The following RPS6KA3 variants were observed in gnomAD, a reference collection of about 807,000 sequenced individuals.
RPS6KA3 encodes the protein ribosomal protein S6 kinase A3, also known as ribosomal protein S6 kinase alpha-3.
Under a neutral mutation model 67.2 loss-of-function variants are expected in RPS6KA3, and 4 were observed. The ratio of observed to expected loss-of-function variants is 0.06; its 90% CI spans 0.03 to 0.14. The LOEUF (loss-of-function observed/expected upper bound fraction) is 0.14. Ranked by LOEUF, RPS6KA3 falls within the 10% of genes least tolerant of loss-of-function variation. RPS6KA3 has a pLI of 1.00. For synonymous variants in RPS6KA3, 182 were observed against 183.7 expected, an observed-to-expected ratio of 0.99 and a Z score of 0.07; for missense variants, 204 against 559.0, an observed-to-expected ratio of 0.36 and a Z score of 6.40.
At chrX:20,232,299 G>C (rs375892425) in intron 2 of RPS6KA3, among the ~76,000 whole-genome samples, 4 of 112,632 alleles carry the variant, frequency 3.6e-5, no homozygotes, top group East Asian at 2.8e-4. Flanking sequence ...TTCTGGCCAG[G>C]CACAGTGGCT....
intron 2 of RPS6KA3, among the ~76,000 whole-genome samples, chrX:20,216,619 C>T: frequency 9.1e-6 from 1 of 110,034 alleles, no homozygotes; most frequent in East Asian, 2.8e-4. Flanking sequence ...GAAGTCAGGG[C>T]AGGCTTTATT....
At chrX:20,234,886 CAAAAAAA>C (rs758120780) in intron 1 of RPS6KA3, 72 bp from the exon 2 acceptor site, 2 of 600,831 alleles carry the variant, frequency 3.3e-6, no homozygotes, top group African/African-American at 5.7e-5. Flanking sequence ...TGAAGGCAGA[CAAAAAAA>C]AAAAAAATTG....
At chrX:20,263,849 G>T (rs2070301538) in intron 1 of RPS6KA3, among the ~76,000 whole-genome samples, 1 of 111,331 alleles carries the variant, frequency 9.0e-6, no homozygotes, top group Admixed American at 9.5e-5. Flanking sequence ...CTGCTTTCAA[G>T]AATTCACAGT....
At chrX:20,238,555 A>G (rs1455052850) in intron 1 of RPS6KA3, among the ~76,000 whole-genome samples, 1 of 111,278 alleles carries the variant, frequency 9.0e-6, no homozygotes, top group Non-Finnish European at 1.9e-5. Context: ...AAATTTTACA[A>G]TAAACTTTCT....
intron 1 of RPS6KA3, among the ~76,000 whole-genome samples, chrX:20,255,515 G>T (rs1281576935): frequency 2.7e-5 from 3 of 111,854 alleles, no homozygotes; most frequent in Non-Finnish European, 5.6e-5. Context: ...GGCTGGGTAA[G>T]GTGGCTCATG....
In RPS6KA3 at chrX:20,150,325, G is replaced by A. The variant is rs1420062639; in HGVS notation, c.*5073C>T. Reference sequence around the variant, plus strand: ...TTTTTCTTTTTTAAAAACTATTTAAGTAGGCACCCACCCCATTCCCACCCA... The same window carrying A: ...TTTTTCTTTTTTAAAAACTATTTAAATAGGCACCCACCCCATTCCCACCCA... On this transcript the variant is annotated 3_prime_UTR_variant, in exon 22 of 22. Coordinates refer to ENST00000379565, the MANE Select transcript of RPS6KA3 (RefSeq NM_004586.3). 1 of 112,372 alleles carries A rather than the reference G, an allele frequency of 8.9e-6. No homozygotes were observed. The highest frequency in any genetic ancestry group is 1.9e-5 in the Non-Finnish European group (1 of 53,125). 9.3% of individuals were successfully genotyped at this position (112,372 alleles called of 1,213,427 possible).
intron 11 of RPS6KA3, among the ~76,000 whole-genome samples, 181 bp from the exon 12 acceptor site, chrX:20,176,679 C>T (rs1355846702): frequency 9.0e-6 from 1 of 110,921 alleles, no homozygotes; most frequent in Admixed American, 9.7e-5. Flanking sequence ...GCAGCCTCAA[C>T]CTCTCAGGCT....
intron 4 of RPS6KA3, among the ~76,000 whole-genome samples, chrX:20,200,975 G>A (rs2068417732): frequency 9.0e-6 from 1 of 110,891 alleles, no homozygotes; most frequent in Non-Finnish European, 1.9e-5. Flanking sequence ...GAGCCACTAT[G>A]CCTGGTCACA....
Position 20,177,042 on chromosome X carries a change from C to T in RPS6KA3, c.888G>A (p.Gln296=). 1 of 1,208,603 alleles carries T rather than the reference C, an allele frequency of 8.3e-7. No homozygotes were observed. Among genetic ancestry groups the T allele is most frequent in the South Asian group, 1.8e-5 (1 of 56,888 alleles). Residue 296 remains glutamine, a synonymous_variant, in exon 11 of 22, where the codon CAG becomes CAA. Coordinates refer to ENST00000379565, the MANE Select transcript of RPS6KA3 (RefSeq NM_004586.3). ...GMPQFLSPEA[Q]SLLRMLFKRN... Reference sequence around the variant, plus strand: ...GCTTGAAAAGCATTCGTAAAAGACTCTGCGCTTCAGGACTCAAAAACTGTG... The same window carrying T: ...GCTTGAAAAGCATTCGTAAAAGACTTTGCGCTTCAGGACTCAAAAACTGTG...
At position 20,266,626 on chromosome X, in the gene RPS6KA3, G is replaced by C. The variant is rs1362995147; in HGVS notation, c.7C>G (p.Leu3Val). MP[L>V]AQLADPWQKM... ...TGCCACGGGTCCGCCAGCTGCGCCA[G>C]CGGCATCTTCCCCCCCGGCCCGCCG... is the stretch of plus-strand genomic sequence containing the variant. Residue 3 changes from leucine to valine, a missense_variant, in exon 1 of 22, where the codon CTG becomes GTG. Transcript: ENST00000379565. 1 of 1,142,561 alleles carries C rather than the reference G, an allele frequency of 8.8e-7. No individual in the cohort carries two copies. Among genetic ancestry groups the C allele is most frequent in the South Asian group, 1.9e-5 (1 of 51,777 alleles). 94.2% of individuals were successfully genotyped at this position (1,142,561 alleles called of 1,213,427 possible). A position where few individuals can be genotyped will look rare whatever the true frequency, so the allele number is the denominator to read the frequency against.
At chrX:20,224,143 G>C (rs1427653211) in intron 2 of RPS6KA3, among the ~76,000 whole-genome samples, 1 of 111,807 alleles carries the variant, frequency 8.9e-6, no homozygotes, top group Non-Finnish European at 1.9e-5. Context: ...TTAAAGAGAA[G>C]TTAAATAATC....
At chrX:20,176,578 CTAATTAAT>C (rs754409176) in intron 11 of RPS6KA3, 80 bp from the exon 12 acceptor site, 9 of 586,944 alleles carry the variant, frequency 1.5e-5, no homozygotes, top group South Asian at 5.5e-5. Flanking sequence ...CAATACTTGT[CTAATTAAT>C]TAATTAATTA....
intron 9 of RPS6KA3, among the ~76,000 whole-genome samples, chrX:20,186,657 A>G (rs1214232837): frequency 9.2e-6 from 1 of 108,607 alleles, no homozygotes; most frequent in African/African-American, 3.4e-5. Context: ...CAGTGGTGCA[A>G]TCTCAGCTCA....
chrX:20,254,322 C>T (rs1202648517), intron 1 of RPS6KA3, among the ~76,000 whole-genome samples: 2 of 111,529 alleles, frequency 1.8e-5, no homozygotes, highest in Admixed American at 9.5e-5. Flanking sequence ...TAGTTTAGGC[C>T]GAGGAGACTC....
chrX:20,197,029 G>A (rs781529585), intron 4 of RPS6KA3, among the ~76,000 whole-genome samples: 3 of 111,673 alleles, frequency 2.7e-5, no homozygotes, highest in South Asian at 3.7e-4. Context: ...TGGTAGAGAC[G>A]GGGTTTCACC....
rs188779721 is a variant in RPS6KA3, at chrX:20,212,491, G to C, written c.127-3087C>G. On this transcript the variant is annotated intron_variant, in intron 2 of 21. Coordinates refer to ENST00000379565, the MANE Select transcript of RPS6KA3 (RefSeq NM_004586.3). ...CCAGCCTCCTGGGTGATGAGAGAGAGACACCATCTCAAAACAACAACAACA... is the reference window on the plus strand; with the variant it reads ...CCAGCCTCCTGGGTGATGAGAGAGACACACCATCTCAAAACAACAACAACA... 4.9e-4 allele frequency among the ~76,000 whole-genome samples: 54 copies of C among 110,898 alleles called. 1 individual carries two copies. The East Asian group carries it at 0.012, about 25-fold the overall frequency.
intron 1 of RPS6KA3, among the ~76,000 whole-genome samples, chrX:20,238,261 C>T (rs1256737160): frequency 9.0e-6 from 1 of 111,127 alleles, no homozygotes; most frequent in Non-Finnish European, 1.9e-5. Context: ...CATATTATCT[C>T]CCTTGTCCTA....
chrX:20,176,592 A>G (rs2067705783), intron 11 of RPS6KA3, 94 bp from the exon 12 acceptor site: 1 of 560,728 alleles, frequency 1.8e-6, no homozygotes, highest in East Asian at 3.7e-5. Context: ...TTAATTAATT[A>G]ATTAATTAAT....
At chrX:20,234,650 G>C in intron 2 of RPS6KA3, 108 bp downstream of exon 2, 1 of 584,577 alleles carries the variant, frequency 1.7e-6, no homozygotes, top group Non-Finnish European at 2.9e-6. Flanking sequence ...TGAAAGGATC[G>C]ACAAGTTTCT....
Sources: allele counts gnomAD v4.1 joint callset (sites outside exome capture counted in the v4.1 genomes callset), GRCh38; gene constraint gnomAD v4.1.1; transcripts MANE v1.5; gene names NCBI Gene and HGNC (gene_info 2026-07-23, HGNC 2026-07-21).